LYAR: variants seen among roughly 807,000 people sequenced by gnomAD.
The protein encoded by LYAR is cell growth-regulating nucleolar protein.
LYAR carries 37 observed loss-of-function variants against 45.2 expected under a neutral mutation model. The observed-to-expected ratio is 0.82, with a 90% confidence interval of 0.63 to 1.08. The LOEUF (loss-of-function observed/expected upper bound fraction) is 1.08, where lower values mean the gene tolerates loss of function less well. Among genes scored for constraint, LYAR ranks in the 50% least tolerant of loss-of-function variants. LYAR has a pLI of 0.00. For missense variants in LYAR, 493 were observed against 451.0 expected, an observed-to-expected ratio of 1.09 and a Z score of -0.84; for synonymous variants, 176 against 155.1, an observed-to-expected ratio of 1.14 and a Z score of -1.00.
At chr4:4,274,252 A>AC (rs1719079479) in intron 7 of LYAR, 115 bp downstream of exon 7, 3 of 1,215,510 alleles carry the variant, frequency 2.5e-6, no homozygotes, top group Non-Finnish European at 3.4e-6. Flanking sequence ...AAACAAAAAA[A>AC]AAAAAAACCA....
At chr4:4,278,154 C>T (rs1318740821) in intron 6 of LYAR, among the ~76,000 whole-genome samples, 3 of 152,102 alleles carry the variant, frequency 2.0e-5, no homozygotes, top group African/African-American at 4.8e-5. Flanking sequence ...ATCTAATGAT[C>T]GGTTATACGG....
At chr4:4,283,894 AAC>A (rs1719501434) in intron 2 of LYAR, 99 bp from the exon 3 acceptor site, 1 of 582,116 alleles carries the variant, frequency 1.7e-6, no homozygotes, top group Non-Finnish European at 3.0e-6. Flanking sequence ...ACATGAAAAT[AAC>A]AGAGTCAAAG....
At chr4:4,275,301 T>TA in intron 6 of LYAR, among the ~76,000 whole-genome samples, 1 of 152,332 alleles carries the variant, frequency 6.6e-6, no homozygotes, top group Non-Finnish European at 1.5e-5. Context: ...CTTATTAGCA[T>TA]AACACATGCC....
intron 2 of LYAR, among the ~76,000 whole-genome samples, chr4:4,285,490 G>C (rs918293626): frequency 1.3e-5 from 2 of 152,190 alleles, no homozygotes; most frequent in African/African-American, 4.8e-5. Flanking sequence ...GGAGAACAAA[G>C]GCTGGAATAA....
At chr4:4,277,401 A>T (rs536939449) in intron 6 of LYAR, among the ~76,000 whole-genome samples, 7 of 152,234 alleles carry the variant, frequency 4.6e-5, no homozygotes, top group Non-Finnish European at 8.8e-5. Context: ...CTTCTACACA[A>T]TCCAGACCAG....
intron 3 of LYAR, among the ~76,000 whole-genome samples, chr4:4,282,699 G>C (rs191034610): frequency 6.6e-6 from 1 of 152,134 alleles, no homozygotes. Context: ...CTCTGCAAAC[G>C]ACCCACCTGA....
At chr4:4,287,424 T>C (rs1443885355) in intron 1 of LYAR, among the ~76,000 whole-genome samples, 1 of 152,210 alleles carries the variant, frequency 6.6e-6, no homozygotes, top group Non-Finnish European at 1.5e-5. Flanking sequence ...TGCGTCTTCG[T>C]CTGTCTGTAT....
intron 6 of LYAR, among the ~76,000 whole-genome samples, chr4:4,277,067 G>T (rs1398146410): frequency 1.3e-5 from 2 of 151,986 alleles, no homozygotes; most frequent in Admixed American, 6.6e-5. Context: ...GATTTTTTGA[G>T]ACTGAGTCTC....
At chr4:4,289,693 C>T (rs558771213) in intron 1 of LYAR, 3 of 152,358 alleles carry the variant, frequency 2.0e-5, no homozygotes, top group Non-Finnish European at 4.4e-5. Flanking sequence ...CCGCTACATC[C>T]TAAGGCCTCC....
chr4:4,274,598 T>C lies in LYAR; in HGVS notation c.601A>G (p.Arg201Gly), dbSNP rs1353914928. ...TCTAACTTTAGTTCTTTCTTTTCTCTTTTCCTTTTCTTCTGCCGTTCTTCC... is the reference window on the plus strand; with the variant it reads ...TCTAACTTTAGTTCTTTCTTTTCTCCTTTCCTTTTCTTCTGCCGTTCTTCC... ...RKEERQKKRKREKKELKLENH... is the reference protein window; with the variant it reads ...RKEERQKKRKGEKKELKLENH... The change falls in exon 7 of 10, where the codon AGA becomes GGA. Residue 201 changes from arginine (R) to glycine (G), a missense_variant. By Grantham distance (125) the Arg-to-Gly change is moderately radical (BLOSUM62 -2). Transcript: ENST00000343470. 2.5e-6 allele frequency: 4 copies of C among 1,613,706 alleles called. No individual in the cohort carries two copies. The highest frequency in any genetic ancestry group is 4.5e-5 in the East Asian group (2 of 44,892).
intron 6 of LYAR, among the ~76,000 whole-genome samples, chr4:4,276,730 G>C (rs1178147897): frequency 6.6e-6 from 1 of 151,538 alleles, no homozygotes; most frequent in East Asian, 2.0e-4. Flanking sequence ...GGTGGCAAGC[G>C]CCTGTAATCC....
intron 6 of LYAR, among the ~76,000 whole-genome samples, chr4:4,276,483 C>T (rs1319405182): frequency 6.6e-6 from 1 of 150,734 alleles, no homozygotes; most frequent in Non-Finnish European, 1.5e-5. Context: ...GTGGAGGTTG[C>T]AGTGAGCCAA....
intron 1 of LYAR, among the ~76,000 whole-genome samples, chr4:4,288,860 A>G (rs1203642364): frequency 6.6e-6 from 1 of 152,134 alleles, no homozygotes; most frequent in African/African-American, 2.4e-5. Context: ...CTACCACTCA[A>G]ACAGCCCACC....
At position 4,274,766 on chromosome 4, in the gene LYAR, G is replaced by T. The variant is rs747973189; in HGVS notation, c.433C>A (p.Pro145Thr). Residue 145 changes from proline (P) to threonine (T), a missense_variant, in exon 7 of 10, where the codon CCA becomes ACA. Transcript: ENST00000343470. ...NIFSEASNSE[P>T]VNKEQDQRPL... is the part of the protein sequence containing the mutation. ...CGTTGATCCTGTTCCTTATTGACTG[G>T]TTCCTTATCATTAAGCAAAAGCAAG... The T allele has an allele frequency of 2.3e-5, 37 of 1,582,280 alleles. 1 individual carries two copies. The highest frequency in any genetic ancestry group is 3.1e-5 in the Non-Finnish European group (36 of 1,170,878).
At position 4,274,759 on chromosome 4, in the gene LYAR, T is replaced by A. The variant is rs374749432; in HGVS notation, c.440A>T (p.Asn147Ile). The A allele has an allele frequency of 1.4e-5, 22 of 1,595,720 alleles. No individual in the cohort carries two copies. The African/African-American group carries it at 2.9e-4, about 21-fold the overall frequency. Residue 147 changes from asparagine (N) to isoleucine (I), a missense_variant, in exon 7 of 10, where the codon AAT becomes ATT. Coordinates refer to ENST00000343470, the MANE Select transcript of LYAR (RefSeq NM_017816.3). ...GAGTGGCCGTTGATCCTGTTCCTTA[T>A]TGACTGGTTCCTTATCATTAAGCAA... is the stretch of plus-strand genomic sequence containing the variant. ...FSEASNSEPV[N>I]KEQDQRPLHP... is the part of the protein sequence containing the mutation.
intron 8 of LYAR, chr4:4,268,897 G>A (rs1577208738): frequency 3.7e-6 from 1 of 271,150 alleles, no homozygotes; most frequent in Admixed American, 5.0e-5. Flanking sequence ...GATTTCCTAA[G>A]CATCCACTAA....
chr4:4,268,574 G>A lies in LYAR; in HGVS notation c.961C>T (p.Gln321Ter). ...WKGTIKAILK[Q>*]APDNEITIKK... ...ATGGTTATTTCATTGTCTGGGGCCTGTTTCAGAATTGCTTTAATAGTTCCC... is the reference window on the plus strand; with the variant it reads ...ATGGTTATTTCATTGTCTGGGGCCTATTTCAGAATTGCTTTAATAGTTCCC... The change falls in exon 9 of 10, where the codon CAG becomes TAG. Residue 321 changes from glutamine (Q) to a stop codon, truncating the protein, a stop_gained. Coordinates refer to ENST00000343470, the MANE Select transcript of LYAR (RefSeq NM_017816.3). LOFTEE classifies it high-confidence loss of function. The A allele has an allele frequency of 1.2e-6, 2 of 1,612,234 alleles. No homozygotes were observed.
At position 4,268,034 on chromosome 4, in the gene LYAR, AAAAACATC is replaced by A; in HGVS notation, c.1006-19_1006-12del. On this transcript the variant is annotated splice_polypyrimidine_tract_variant and intron_variant, in intron 9 of 9. Transcript: ENST00000343470. ...GTACTGAGCTAAAACCTTCACAAAG[AAAAACATC>A]AAATGAGTGTATTTGACCTGGAAAA... 1 of 1,564,198 alleles carries A rather than the reference AAAAACATC, an allele frequency of 6.4e-7. No individual in the cohort carries two copies.
chr4:4,284,141 C>T (rs888096615), intron 2 of LYAR, among the ~76,000 whole-genome samples: 7 of 152,286 alleles, frequency 4.6e-5, no homozygotes, highest in South Asian at 2.1e-4. Flanking sequence ...CAAGGATACA[C>T]GGTTAACAGA....
Sources: gnomAD v4.1 joint callset for allele counts (sites outside exome capture counted in the v4.1 genomes callset) on GRCh38, gnomAD v4.1.1 for gene constraint, MANE v1.5 for transcripts, NCBI Gene and HGNC (gene_info 2026-07-23, HGNC 2026-07-21) for gene names.